Variants in MAEL observed in about 807,000 individuals in gnomAD.
MAEL encodes protein maelstrom homolog.
MAEL carries 46 observed loss-of-function variants against 62.0 expected under a neutral mutation model. The observed-to-expected ratio is 0.74, with a 90% confidence interval of 0.59 to 0.95. MAEL has a LOEUF of 0.95. Among genes scored for constraint, MAEL ranks in the 40% least tolerant of loss-of-function variants. MAEL has a pLI of 0.00. For missense variants in MAEL, 497 were observed against 526.8 expected (o/e 0.94, Z 0.55); for synonymous variants, 172 against 175.5 (o/e 0.98, Z 0.16).
chr1:166,977,578 C>A (rs1332813153), intron 1 of MAEL, among the ~76,000 whole-genome samples: 2 of 152,188 alleles, frequency 1.3e-5, no homozygotes, highest in African/African-American at 4.8e-5. Context: ...TTGTATTATG[C>A]TGTGCCATTT....
At chr1:166,984,986 A>G (rs917020428), upstream of MAEL, among the ~76,000 whole-genome samples, 2 of 152,224 alleles carry the variant, frequency 1.3e-5, no homozygotes, top group Non-Finnish European at 2.9e-5. Flanking sequence ...GTAACAGGAA[A>G]TGAATGTATC....
intron 8 of MAEL, among the ~76,000 whole-genome samples, chr1:167,009,515 G>T (rs1048012258): frequency 6.6e-6 from 1 of 150,590 alleles, no homozygotes; most frequent in African/African-American, 2.4e-5. Context: ...ATTTCTCTGA[G>T]TTTATATGCA....
chr1:166,995,763 C>T (rs1664401653), intron 5 of MAEL, among the ~76,000 whole-genome samples: 1 of 151,960 alleles, frequency 6.6e-6, no homozygotes, highest in South Asian at 2.1e-4. Context: ...GTTTATTCAT[C>T]TGTTAAATGC....
intron 10 of MAEL, among the ~76,000 whole-genome samples, chr1:167,019,862 G>A (rs1453860006): frequency 6.6e-6 from 1 of 151,818 alleles, no homozygotes; most frequent in Non-Finnish European, 1.5e-5. Context: ...CAGAAAACTG[G>A]TTTTTCCATC....
At chr1:166,981,231 A>G (rs1663750347) in intron 1 of MAEL, among the ~76,000 whole-genome samples, 1 of 152,222 alleles carries the variant, frequency 6.6e-6, no homozygotes, top group Non-Finnish European at 1.5e-5. Flanking sequence ...AATTCTGAGT[A>G]GGTGCCTTTT....
chr1:166,997,387 A>G (rs577404619), intron 5 of MAEL, among the ~76,000 whole-genome samples: 2 of 152,252 alleles, frequency 1.3e-5, no homozygotes, highest in South Asian at 4.2e-4. Flanking sequence ...TTTCTATTGA[A>G]TCATTTGTTT....
chr1:167,016,966 G>C (rs1488729667), intron 9 of MAEL, among the ~76,000 whole-genome samples: 1 of 152,088 alleles, frequency 6.6e-6, no homozygotes, highest in African/African-American at 2.4e-5. Flanking sequence ...AGAGTAGAAG[G>C]AATGATTACT....
At chr1:166,977,858 G>T (rs1663641347) in intron 1 of MAEL, among the ~76,000 whole-genome samples, 1 of 152,202 alleles carries the variant, frequency 6.6e-6, no homozygotes, top group Admixed American at 6.5e-5. Context: ...GGCTAAGATG[G>T]GAGGACCACT....
intron 3 of MAEL, among the ~76,000 whole-genome samples, chr1:166,991,691 G>T (rs1287009737): frequency 6.6e-6 from 1 of 151,612 alleles, no homozygotes; most frequent in Non-Finnish European, 1.5e-5. Context: ...TCTGTTCTCT[G>T]TTTCTACCAC....
At chr1:167,004,848 CTT>C (rs969663732) in intron 6 of MAEL, among the ~76,000 whole-genome samples, 2 of 152,116 alleles carry the variant, frequency 1.3e-5, no homozygotes, top group Non-Finnish European at 2.9e-5. Flanking sequence ...CATAAAGTAT[CTT>C]AACATTTCTG....
chr1:167,001,795 T>A (rs1664680437), intron 5 of MAEL, among the ~76,000 whole-genome samples: 1 of 152,230 alleles, frequency 6.6e-6, no homozygotes, highest in Non-Finnish European at 1.5e-5. Flanking sequence ...ATTAATTTAC[T>A]TTTTGAGACA....
In MAEL at chr1:167,021,922, T is replaced by C. The variant is rs1328294088; in HGVS notation, c.*67T>C. On this transcript the variant is annotated 3_prime_UTR_variant, in exon 12 of 12. Coordinates refer to ENST00000367872, the MANE Select transcript of MAEL (RefSeq NM_032858.3). ...AACTTCCTTCTTACTACAGTCATAT[T>C]AAACAGATCACATCAATGACAAATG... 17 of 977,512 alleles carry C rather than the reference T, an allele frequency of 1.7e-5. No homozygotes were observed. The highest frequency in any genetic ancestry group is 1.1e-4 in the South Asian group (6 of 56,370). The allele number at this position is 977,512 out of a possible 1,614,324, so 60.6% of individuals were successfully genotyped here.
chr1:166,992,722 T>A lies in MAEL; in HGVS notation c.362T>A (p.Phe121Tyr), dbSNP rs781439615. 6.2e-7 allele frequency: 1 copy of A among 1,603,190 alleles called. No individual in the cohort carries two copies. The highest frequency in any genetic ancestry group is 1.1e-5 in the South Asian group (1 of 88,322). ...LGGIFYFLNI[F>Y]SHGELPPHCE... ...GGCATTTTTTATTTTTTGAACATTT[T>A]TAGCCATGGCGAGCTACCTCCTCAT... Residue 121 changes from phenylalanine (F) to tyrosine (Y), a missense_variant, in exon 4 of 12, where the codon TTT (phenylalanine) becomes TAT (tyrosine). Transcript: ENST00000367872.
intron 8 of MAEL, among the ~76,000 whole-genome samples, chr1:167,015,383 A>G (rs569554301): frequency 1.1e-3 from 162 of 152,326 alleles, no homozygotes; most frequent in African/African-American, 3.7e-3. Context: ...TCATCCATGC[A>G]TGAAATAACT....
intron 10 of MAEL, among the ~76,000 whole-genome samples, chr1:167,018,549 A>G (rs892468003): frequency 6.6e-6 from 1 of 152,114 alleles, no homozygotes; most frequent in East Asian, 1.9e-4. Flanking sequence ...AATAGGGGCT[A>G]GTATTTGTTA....
chr1:167,003,821 C>A (rs1159149263), intron 5 of MAEL, among the ~76,000 whole-genome samples: 2 of 152,074 alleles, frequency 1.3e-5, no homozygotes, highest in Admixed American at 1.3e-4. Flanking sequence ...AGTTCTCAAG[C>A]CTTACTAATA....
chr1:167,021,145 T>C lies in MAEL; in HGVS notation c.1102T>C (p.Ser368Pro). ...CAACTCTTCTAATGAGGAACAAAGA[T>C]CAAACACACCCATTGGTAAGCAACT... ...HFNSSNEEQRSNTPIGDYPSR... is the reference protein window; with the variant it reads ...HFNSSNEEQRPNTPIGDYPSR... The change falls in exon 11 of 12, where the codon TCA becomes CCA. Residue 368 changes from serine (S) to proline (P), a missense_variant. Coordinates refer to ENST00000367872, the MANE Select transcript of MAEL (RefSeq NM_032858.3). 6.2e-7 allele frequency: 1 copy of C among 1,611,884 alleles called. No individual in the cohort carries two copies. The highest frequency in any genetic ancestry group is 8.5e-7 in the Non-Finnish European group (1 of 1,178,454).
At chr1:167,015,525 A>ACT (rs1665353661) in intron 8 of MAEL, among the ~76,000 whole-genome samples, 1 of 152,138 alleles carries the variant, frequency 6.6e-6, no homozygotes, top group Non-Finnish European at 1.5e-5. Context: ...TAGACTGTGT[A>ACT]CTCATTGGAA....
At chr1:166,999,845 T>G (rs1316907536) in intron 5 of MAEL, among the ~76,000 whole-genome samples, 4 of 152,140 alleles carry the variant, frequency 2.6e-5, no homozygotes, top group African/African-American at 9.7e-5. Flanking sequence ...CTTAGGAAAT[T>G]ATGCTAAATT....
Sources: gnomAD v4.1 joint callset for allele counts (sites outside exome capture counted in the v4.1 genomes callset) on GRCh38, gnomAD v4.1.1 for gene constraint, MANE v1.5 for transcripts, NCBI Gene and HGNC (gene_info 2026-07-23, HGNC 2026-07-21) for gene names.